Variants in CPZ observed in about 807,000 individuals in gnomAD.
The protein encoded by CPZ is carboxypeptidase Z.
CPZ carries 103 observed loss-of-function variants against 61.8 expected under a neutral mutation model. The ratio of observed to expected loss-of-function variants is 1.67; its 90% CI spans 1.42 to 1.96. The LOEUF (loss-of-function observed/expected upper bound fraction) is 1.96, where lower values mean the gene tolerates loss of function less well. Ranked by LOEUF, CPZ falls within the 30% of genes most tolerant of loss-of-function variation. The pLI is 0.00. For missense variants in CPZ, 1,461 were observed against 914.9 expected, an observed-to-expected ratio of 1.60 and a Z score of -7.70; for synonymous variants, 551 against 373.7, an observed-to-expected ratio of 1.47 and a Z score of -5.47.
intron 1 of CPZ, among the ~76,000 whole-genome samples, 170 bp downstream of exon 1, chr4:8,593,091 G>A (rs1713916831): frequency 6.6e-6 from 1 of 152,158 alleles, no homozygotes; most frequent in African/African-American, 2.4e-5. Flanking sequence ...CTGGTAGTGT[G>A]ACCTCTCCCC....
chr4:8,612,809 C>A (rs191284958), intron 8 of CPZ, among the ~76,000 whole-genome samples: 8 of 152,342 alleles, frequency 5.3e-5, no homozygotes, highest in African/African-American at 1.7e-4. Flanking sequence ...GCGCTGGGCT[C>A]AGCTGAGAGA....
chr4:8,599,571 G>C, intron 2 of CPZ, 86 bp downstream of exon 2: 4 of 1,579,104 alleles, frequency 2.5e-6, no homozygotes, highest in Non-Finnish European at 3.4e-6. Flanking sequence ...AGCTGAATCC[G>C]TGATTTCAGA....
chr4:8,619,270 G>A lies in CPZ; in HGVS notation c.1612G>A (p.Gly538Ser), dbSNP rs761786826. The change falls in exon 11 of 11, where the codon GGT (glycine) becomes AGT (serine). Residue 538 changes from glycine (G) to serine (S), a missense_variant. Gly to Ser is a moderately conservative substitution (Grantham distance 56). Coordinates refer to ENST00000360986, the MANE Select transcript of CPZ (RefSeq NM_001014447.3). ...AATCTATTTGTCCACAGCCCCAGAT[G>A]GTGACTACTGGAGACTGCTGCCCCC... ...IRHDITTAPD[G>S]DYWRLLPPGI... 1.1e-5 allele frequency: 18 copies of A among 1,610,374 alleles called. No individual in the cohort carries two copies. The highest frequency in any genetic ancestry group is 1.4e-5 in the Non-Finnish European group (17 of 1,178,530).
chr4:8,618,201 A>G, intron 9 of CPZ: 1 of 557,438 alleles, frequency 1.8e-6, no homozygotes, highest in East Asian at 3.1e-5. Context: ...GGGTCATTCA[A>G]AAGCCCAGAA....
At chr4:8,616,066 C>G (rs577499521) in intron 9 of CPZ, among the ~76,000 whole-genome samples, 2 of 152,290 alleles carry the variant, frequency 1.3e-5, no homozygotes, top group African/African-American at 4.8e-5. Flanking sequence ...GGCATTGCTC[C>G]TGGATATTAC....
rs374211765 is a variant in CPZ at position 8,614,250 on chromosome 4, G to A, written c.1364-109G>A. 1.1e-4 allele frequency: 158 copies of A among 1,449,168 alleles called. 1 individual carries two copies. Among genetic ancestry groups the A allele is most frequent in the Middle Eastern group, 7.7e-4 (3 of 3,874 alleles). The allele number at this position is 1,449,168 out of a possible 1,614,324, so 89.8% of individuals were successfully genotyped here. ...CCCGACGTCCCGGCTGTCTCTGCGC[G>A]GCTGACACCCCGGCGTCCCGGCTGT... is the stretch of plus-strand genomic sequence containing the variant. On this transcript the variant is annotated intron_variant, in intron 8 of 10. Transcript: ENST00000360986.
chr4:8,612,301 T>G, intron 8 of CPZ, 139 bp downstream of exon 8: 1 of 720,842 alleles, frequency 1.4e-6, no homozygotes, highest in Non-Finnish European at 2.2e-6. Context: ...CCTCACCTGG[T>G]GGAGAGGAGG....
intron 4 of CPZ, among the ~76,000 whole-genome samples, chr4:8,604,615 G>C (rs536981820): frequency 2.6e-5 from 4 of 152,096 alleles, no homozygotes; most frequent in African/African-American, 9.7e-5. Context: ...CCGAGTAGCC[G>C]GGACTCCAGG....
chr4:8,606,652 C>A, intron 5 of CPZ, 85 bp from the exon 6 acceptor site: 2 of 1,550,358 alleles, frequency 1.3e-6, no homozygotes, highest in Non-Finnish European at 1.8e-6. Flanking sequence ...CTGGCCTTGA[C>A]CCTCAGCCCA....
intron 7 of CPZ, among the ~76,000 whole-genome samples, chr4:8,610,983 GTCAC>G (rs1348790197): frequency 4.0e-5 from 6 of 151,536 alleles, no homozygotes; most frequent in Admixed American, 6.6e-5. Context: ...CATTCACTCA[GTCAC>G]TCACTCTTTC....
In CPZ at chr4:8,599,038, A is replaced by T. The variant is rs140128221; in HGVS notation, c.89-415A>T. 6.1e-3 allele frequency among the ~76,000 whole-genome samples: 933 copies of T among 152,100 alleles called. 21 individuals carry two copies. The highest frequency in any genetic ancestry group is 0.03 in the East Asian group (153 of 5,150). On this transcript the variant is annotated intron_variant, in intron 1 of 10. Coordinates refer to ENST00000360986, the MANE Select transcript of CPZ (RefSeq NM_001014447.3). ...GGGGGCTGACAGTTAAAACTTTTGG[A>T]ATCTTCTGAGGACTCAGCGGCTTAC...
intron 1 of CPZ, among the ~76,000 whole-genome samples, chr4:8,598,925 G>C (rs1354796463): frequency 6.6e-6 from 1 of 152,236 alleles, no homozygotes; most frequent in Non-Finnish European, 1.5e-5. Flanking sequence ...CCACACCCTG[G>C]TGGTGTCCTT....
chr4:8,601,379 G>A lies in CPZ; in HGVS notation c.378G>A (p.Arg126=). ...RPCRHICEGL[R]EVCQPAFDAI... ...GCCGGCACATCTGCGAGGGCCTGCG[G>A]GAGGTCTGCCAGCCCGCCTTCGACG... The change falls in exon 3 of 11, where the codon CGG becomes CGA. Residue 126 remains arginine (R), a synonymous_variant. Coordinates refer to ENST00000360986, the MANE Select transcript of CPZ (RefSeq NM_001014447.3). The A allele has an allele frequency of 6.2e-7, 1 of 1,600,586 alleles. No homozygotes were observed. The highest frequency in any genetic ancestry group is 8.5e-7 in the Non-Finnish European group (1 of 1,171,892).
intron 7 of CPZ, among the ~76,000 whole-genome samples, chr4:8,609,670 C>T (rs1253758501): frequency 2.0e-5 from 3 of 152,230 alleles, no homozygotes; most frequent in East Asian, 1.9e-4. Flanking sequence ...CCCCTCTGCA[C>T]TGGCCCAGTG....
At chr4:8,598,620 C>T (rs923514948) in intron 1 of CPZ, among the ~76,000 whole-genome samples, 6 of 152,264 alleles carry the variant, frequency 3.9e-5, no homozygotes, top group African/African-American at 7.2e-5. Flanking sequence ...AGGTGGGCTC[C>T]GGCATGGGCC....
rs2109352847 is a variant in CPZ, at chr4:8,619,401, G to A, written c.1743G>A (p.Leu581=). 6.2e-7 allele frequency: 1 copy of A among 1,614,188 alleles called. No homozygotes were observed. Among genetic ancestry groups the A allele is most frequent in the East Asian group, 2.2e-5 (1 of 44,886 alleles). ...GGGCTGGCCGTGTGGACTTCATTCTGCAACCTCTGGGGATGGGACCCAAGA... is the reference window on the plus strand; with the variant it reads ...GGGCTGGCCGTGTGGACTTCATTCTACAACCTCTGGGGATGGGACCCAAGA... ...MKRAGRVDFI[L]QPLGMGPKNF... is the part of the protein sequence containing the mutation. Residue 581 remains leucine, a synonymous_variant, in exon 11 of 11, where the codon CTG becomes CTA. Coordinates refer to ENST00000360986, the MANE Select transcript of CPZ (RefSeq NM_001014447.3).
intron 1 of CPZ, among the ~76,000 whole-genome samples, chr4:8,596,843 G>A (rs1035655374): frequency 3.9e-5 from 6 of 152,218 alleles, no homozygotes; most frequent in Non-Finnish European, 8.8e-5. Context: ...AGGAGCAGGT[G>A]CAGGGATGGA....
intron 9 of CPZ, among the ~76,000 whole-genome samples, chr4:8,616,866 T>TG (rs1308211470): frequency 3.3e-5 from 5 of 152,078 alleles, no homozygotes; most frequent in Non-Finnish European, 5.9e-5. Flanking sequence ...GCATCCAGGG[T>TG]GGGGGTCACG....
At position 8,592,844 on chromosome 4, in the gene CPZ, C is replaced by G. The variant is rs370877808; in HGVS notation, c.11C>G (p.Pro4Arg). MPPPLPLLLLTVLV... is the reference protein window; with the variant it reads MPPRLPLLLLTVLV... ...GTCCGCCGCCCCACCATGCCGCCCC[C>G]GCTGCCGCTGCTGCTCCTTACAGTC... The change falls in exon 1 of 11, where the codon CCG (proline) becomes CGG (arginine). Residue 4 changes from proline (P) to arginine (R), a missense_variant. Pro to Arg is a moderately radical substitution (Grantham distance 103). Coordinates refer to ENST00000360986, the MANE Select transcript of CPZ (RefSeq NM_001014447.3). 4.7e-6 allele frequency: 7 copies of G among 1,479,300 alleles called. No individual in the cohort carries two copies. In the East Asian group the frequency reaches 1.7e-4, roughly 36 times the overall value. The allele number at this position is 1,479,300 out of a possible 1,614,324, so 91.6% of individuals were successfully genotyped here.
Sources: gnomAD v4.1 joint callset for allele counts (sites outside exome capture counted in the v4.1 genomes callset) on GRCh38, gnomAD v4.1.1 for gene constraint, MANE v1.5 for transcripts, NCBI Gene and HGNC (gene_info 2026-07-23, HGNC 2026-07-21) for gene names.